Variants in CLIC5 observed in about 807,000 individuals in gnomAD.
CLIC5 encodes chloride intracellular channel protein 5.
In CLIC5, 20 loss-of-function variants were observed where a neutral mutation model predicts 24.7. The observed-to-expected ratio is 0.81, with a 90% CI of 0.57 to 1.18. The LOEUF (loss-of-function observed/expected upper bound fraction) is 1.18, where lower values mean the gene tolerates loss of function less well. CLIC5 is among the 50% of genes most tolerant of loss of function. The pLI, the probability that CLIC5 is intolerant of heterozygous loss-of-function variation, is 0.00. For missense variants in CLIC5, 341 were observed against 326.1 expected (o/e 1.05, Z -0.35); for synonymous variants, 159 against 135.6 (o/e 1.17, Z -1.20).
chr6:46,093,467 A>G, the CLIC5 span, among the ~76,000 whole-genome samples: 1 of 152,206 alleles, frequency 6.6e-6, no homozygotes, highest in African/African-American at 2.4e-5. Context: ...CATGGACCAC[A>G]GTCTGACTAG....
At chr6:46,039,411 G>A (rs1767746632) in intron 1 of CLIC5, among the ~76,000 whole-genome samples, 1 of 151,568 alleles carries the variant, frequency 6.6e-6, no homozygotes, top group South Asian at 2.1e-4. Context: ...GATATACATA[G>A]GCAAGAAGTG....
upstream of CLIC5, chr6:46,018,792 A>G (rs774714934): frequency 5.9e-5 from 9 of 152,242 alleles, no homozygotes; most frequent in Non-Finnish European, 1.0e-4. Flanking sequence ...CATACAGAGA[A>G]GATTGGCATG....
intron 1 of CLIC5, among the ~76,000 whole-genome samples, chr6:45,999,618 C>CTCT (rs1766276307): frequency 6.6e-6 from 1 of 152,076 alleles, no homozygotes; most frequent in Non-Finnish European, 1.5e-5. Flanking sequence ...CCAACCCCTC[C>CTCT]TCTTCCTCCT....
chr6:45,982,840 G>A (rs1425562560), intron 1 of CLIC5, among the ~76,000 whole-genome samples: 6 of 152,090 alleles, frequency 3.9e-5, no homozygotes, highest in Non-Finnish European at 7.4e-5. Flanking sequence ...TCAATGATTC[G>A]CTTTTAGTAC....
intron 4 of CLIC5, chr6:45,937,630 C>T (rs766573358): frequency 2.6e-5 from 4 of 152,260 alleles, no homozygotes; most frequent in African/African-American, 7.2e-5. Context: ...GAACCTAGCA[C>T]AGTACCTGGC....
In CLIC5 at chr6:45,944,575, T is replaced by A. The variant is rs9349338; in HGVS notation, c.300-2922A>T. 7.4e-3 allele frequency among the ~76,000 whole-genome samples: 891 copies of A among 121,054 alleles called. 4 individuals are homozygous for A. Among genetic ancestry groups the A allele is most frequent in the East Asian group, 0.041 (107 of 2,626 alleles). 79.4% of individuals were successfully genotyped at this position (121,054 alleles called of 152,430 possible). ...AAAAAAAAAAAAAAAAAAAAAAAAA[T>A]TTTTCAAAAGTAGAAAATAGTAGCA... On this transcript the variant is annotated intron_variant, in intron 3 of 5. Coordinates refer to ENST00000339561, the MANE Select transcript of CLIC5 (RefSeq NM_016929.5).
intron 4 of CLIC5, among the ~76,000 whole-genome samples, chr6:45,935,487 A>G (rs1320941061): frequency 6.6e-6 from 1 of 152,198 alleles, no homozygotes; most frequent in Non-Finnish European, 1.5e-5. Context: ...CATGGATGAC[A>G]CTGTGCCCTC....
intron 3 of CLIC5, among the ~76,000 whole-genome samples, chr6:45,948,743 A>G (rs555449730): frequency 3.3e-5 from 5 of 152,256 alleles, no homozygotes; most frequent in Non-Finnish European, 7.4e-5. Context: ...TGTTTGCAGA[A>G]GAGGAGCTGC....
upstream of CLIC5, among the ~76,000 whole-genome samples, chr6:46,019,528 T>C (rs1248013351): frequency 6.7e-6 from 1 of 149,030 alleles, no homozygotes; most frequent in Non-Finnish European, 1.5e-5. Flanking sequence ...CTACTAAAAA[T>C]ACAAAAAATT....
At chr6:46,063,266 G>C (rs140851183) in intron 1 of CLIC5, among the ~76,000 whole-genome samples, 1 of 152,164 alleles carries the variant, frequency 6.6e-6, no homozygotes, top group East Asian at 1.9e-4. Context: ...GAACAGAGAA[G>C]CAACTCAAGA....
At chr6:45,960,050 T>C (rs1364490495) in intron 1 of CLIC5, among the ~76,000 whole-genome samples, 3 of 152,186 alleles carry the variant, frequency 2.0e-5, no homozygotes, top group East Asian at 3.9e-4. Context: ...CATATTGATA[T>C]AACTCTAAAA....
At chr6:46,123,925 A>C in the CLIC5 span, among the ~76,000 whole-genome samples, 1 of 152,216 alleles carries the variant, frequency 6.6e-6, no homozygotes. Flanking sequence ...GCTCAATGAA[A>C]TAAAAGAGGA....
In CLIC5 at chr6:45,955,104, A is replaced by T. The variant is rs200794503; in HGVS notation, c.173+31T>A. 513 of 1,531,150 alleles carry T rather than the reference A, an allele frequency of 3.4e-4. 1 individual carries two copies. Among genetic ancestry groups the T allele is most frequent in the Non-Finnish European group, 3.8e-4 (418 of 1,106,806 alleles). The allele number at this position is 1,531,150 out of a possible 1,614,324, so 94.8% of individuals were successfully genotyped here. A position where few individuals can be genotyped will look rare whatever the true frequency, so the allele number is the denominator to read the frequency against. ...GAAGGTTCTCTGTTCATGCAGCTAA[A>T]CATACTCCTCATTTATGCAACGTAC... On this transcript the variant is annotated intron_variant, in intron 2 of 5. Coordinates refer to ENST00000339561, the MANE Select transcript of CLIC5 (RefSeq NM_016929.5).
chr6:46,047,777 A>T (rs1767992209), intron 1 of CLIC5, among the ~76,000 whole-genome samples: 1 of 152,196 alleles, frequency 6.6e-6, no homozygotes, highest in Admixed American at 6.5e-5. Flanking sequence ...CTTCTCTCCC[A>T]CAAATCAGGA....
At chr6:46,048,418 G>T (rs2127463991) in intron 1 of CLIC5, among the ~76,000 whole-genome samples, 1 of 152,280 alleles carries the variant, frequency 6.6e-6, no homozygotes, top group East Asian at 1.9e-4. Context: ...CCCAGTCTTA[G>T]CATGGGAAGA....
the CLIC5 span, chr6:46,097,225 G>A: frequency 6.6e-6 from 1 of 152,182 alleles, no homozygotes; most frequent in African/African-American, 2.4e-5. Flanking sequence ...TGAATGGATG[G>A]ATGGATGACT....
At chr6:46,048,303 C>G (rs1688155887) in intron 1 of CLIC5, among the ~76,000 whole-genome samples, 1 of 152,118 alleles carries the variant, frequency 6.6e-6, no homozygotes, top group Admixed American at 6.5e-5. Context: ...GCTCCCAGCC[C>G]CATATTATAT....
chr6:46,119,592 C>T, the CLIC5 span, among the ~76,000 whole-genome samples: 1 of 152,316 alleles, frequency 6.6e-6, no homozygotes, highest in South Asian at 2.1e-4. Context: ...GGGTGCAGGA[C>T]AGTGGGTGCA....
downstream of CLIC5, among the ~76,000 whole-genome samples, chr6:45,894,241 G>A (rs1762375276): frequency 6.6e-6 from 1 of 152,184 alleles, no homozygotes; most frequent in Non-Finnish European, 1.5e-5. Context: ...ATAGTCTGCT[G>A]GTGAGAGAGT....
Sources: allele counts gnomAD v4.1 joint callset (sites outside exome capture counted in the v4.1 genomes callset), GRCh38; gene constraint gnomAD v4.1.1; transcripts MANE v1.5; gene names NCBI Gene and HGNC (gene_info 2026-07-23, HGNC 2026-07-21).